The following FTO variants were observed in gnomAD, a reference collection of about 807,000 sequenced individuals.
FTO encodes alpha-ketoglutarate-dependent dioxygenase FTO.
In FTO, 47 loss-of-function variants were observed where a neutral mutation model predicts 63.9. The observed-to-expected ratio is 0.74, with a 90% CI of 0.58 to 0.94. The LOEUF (loss-of-function observed/expected upper bound fraction) is 0.94. Among genes scored for constraint, FTO ranks in the 40% least tolerant of loss-of-function variants. The probability of loss-of-function intolerance (pLI) is 0.00; values close to 1 mark genes in which losing one functional copy is unlikely to be tolerated. For synonymous variants in FTO, 207 were observed against 224.4 expected, an observed-to-expected ratio of 0.92 and a Z score of 0.69; for missense variants, 562 against 618.1, an observed-to-expected ratio of 0.91 and a Z score of 0.96.
intron 8 of FTO, among the ~76,000 whole-genome samples, chr16:54,091,163 C>T (rs1210880016): frequency 6.6e-6 from 1 of 152,186 alleles, no homozygotes; most frequent in Admixed American, 6.5e-5. Context: ...TTACCACAAA[C>T]ACCATGGACA....
At chr16:54,098,424 C>G (rs1040792820) in intron 8 of FTO, among the ~76,000 whole-genome samples, 1 of 152,114 alleles carries the variant, frequency 6.6e-6, no homozygotes, top group East Asian at 1.9e-4. Flanking sequence ...GCAGGTTACA[C>G]GGAAGTAGTT....
chr16:53,790,017 A>G (rs939801528), intron 1 of FTO, among the ~76,000 whole-genome samples: 4 of 149,680 alleles, frequency 2.7e-5, no homozygotes, highest in Admixed American at 2.0e-4. Context: ...GTATAGTTAT[A>G]TATACACATA....
intron 8 of FTO, among the ~76,000 whole-genome samples, chr16:53,962,328 AC>A (rs2083101685): frequency 1.3e-5 from 2 of 151,996 alleles, no homozygotes; most frequent in Admixed American, 1.3e-4. Flanking sequence ...GAAGACACTG[AC>A]CCCAATCATA....
At chr16:53,800,083 G>A (rs2078177856) in intron 1 of FTO, among the ~76,000 whole-genome samples, 1 of 151,818 alleles carries the variant, frequency 6.6e-6, no homozygotes, top group Non-Finnish European at 1.5e-5. Flanking sequence ...TCTCCAAGTG[G>A]AAGCTAAGGT....
Position 53,739,416 on chromosome 16 carries a change from G to A in FTO, c.45+35187G>A, listed in dbSNP as rs549384457. 1.0e-4 allele frequency among the ~76,000 whole-genome samples: 15 copies of A among 147,552 alleles called. No individual in the cohort carries two copies. The South Asian group carries it at 1.7e-3, about 17-fold the overall frequency. ...TTTTTAGTAGAGATGGGGTTTTACC[G>A]TGTTAGCCAGGATGGTCTTGATCTC... On this transcript the variant is annotated intron_variant, in intron 1 of 8. Transcript: ENST00000471389.
chr16:53,842,425 A>G (rs185939943), intron 3 of FTO, among the ~76,000 whole-genome samples: 91 of 152,300 alleles, frequency 6.0e-4, no homozygotes, highest in Non-Finnish European at 1.1e-3. Context: ...AACTTTTAAA[A>G]GTTTTTATGT....
At chr16:53,708,563 G>A (rs1326859840) in intron 1 of FTO, among the ~76,000 whole-genome samples, 1 of 151,830 alleles carries the variant, frequency 6.6e-6, no homozygotes, top group Non-Finnish European at 1.5e-5. Context: ...AGGACTTATG[G>A]TAAATCTATG....
At chr16:53,897,114 C>T (rs1301274742) in intron 7 of FTO, among the ~76,000 whole-genome samples, 9 of 152,032 alleles carry the variant, frequency 5.9e-5, no homozygotes, top group Admixed American at 5.9e-4. Flanking sequence ...TTCTGTATTC[C>T]TGAAAGGATC....
intron 8 of FTO, among the ~76,000 whole-genome samples, chr16:54,026,199 T>C (rs1267710667): frequency 1.3e-5 from 2 of 152,214 alleles, no homozygotes; most frequent in Non-Finnish European, 2.9e-5. Flanking sequence ...AGGGTTATTC[T>C]GGTGGCTCCA....
intron 1 of FTO, among the ~76,000 whole-genome samples, chr16:53,761,833 T>A (rs1201204573): frequency 2.0e-5 from 3 of 152,198 alleles, no homozygotes; most frequent in Non-Finnish European, 2.9e-5. Flanking sequence ...CTTATGGATA[T>A]GAATTGAATA....
chr16:53,842,501 G>A (rs995852200), intron 3 of FTO, among the ~76,000 whole-genome samples: 1 of 152,058 alleles, frequency 6.6e-6, no homozygotes, highest in Non-Finnish European at 1.5e-5. Context: ...ACCTTTTTTA[G>A]TGTATCTCCC....
intron 8 of FTO, among the ~76,000 whole-genome samples, chr16:54,013,054 T>C (rs2084364165): frequency 6.6e-6 from 1 of 152,210 alleles, no homozygotes; most frequent in Non-Finnish European, 1.5e-5. Context: ...CTGATAAATC[T>C]GGGAAGGATA....
chr16:53,976,581 A>T (rs1406460212), intron 8 of FTO, among the ~76,000 whole-genome samples: 3 of 152,116 alleles, frequency 2.0e-5, no homozygotes, highest in Admixed American at 1.3e-4. Flanking sequence ...GATGAATCTT[A>T]GATTCCGATA....
intron 2 of FTO, among the ~76,000 whole-genome samples, chr16:53,816,470 A>C (rs2078691404): frequency 6.7e-6 from 1 of 149,094 alleles, no homozygotes. Context: ...TGCTTCCCTC[A>C]CCTCATTTCC....
At chr16:53,860,881 A>AAC (rs35826323) in intron 4 of FTO, among the ~76,000 whole-genome samples, 13,029 of 145,716 alleles carry the variant, frequency 0.089, 708 homozygotes, top group African/African-American at 0.14. Context: ...AAATGTTTTT[A>AAC]ACACACACAC....
At chr16:53,813,701 G>A (rs1450926226) in intron 2 of FTO, among the ~76,000 whole-genome samples, 3 of 152,128 alleles carry the variant, frequency 2.0e-5, no homozygotes, top group Non-Finnish European at 1.5e-5. Flanking sequence ...ATAAACACAG[G>A]AGTCTGTTCA....
chr16:54,102,220 T>C (rs1282803052), intron 8 of FTO, among the ~76,000 whole-genome samples: 1 of 152,062 alleles, frequency 6.6e-6, no homozygotes, highest in African/African-American at 2.4e-5. Flanking sequence ...AACTAGGCAA[T>C]AGCATCCTGG....
At chr16:53,875,952 G>C (rs573934108) in intron 5 of FTO, among the ~76,000 whole-genome samples, 9 of 152,232 alleles carry the variant, frequency 5.9e-5, no homozygotes, top group Non-Finnish European at 1.0e-4. Context: ...GCCTCCCAAA[G>C]TGCTGGGATT....
chr16:54,025,980 T>C lies in FTO; in HGVS notation c.1365-85782T>C, dbSNP rs1599230692. ...GTGAGCTGAGATCACGCCACTGCAC[T>C]CAACCTGGGCAACAGAGCAAGGCTC... On this transcript the variant is annotated intron_variant, in intron 8 of 8. Coordinates refer to ENST00000471389, the MANE Select transcript of FTO (RefSeq NM_001080432.3). Among the ~76,000 whole-genome samples the C allele has an allele frequency of 2.6e-5, 4 of 152,000 alleles. No individual in the cohort carries two copies. In the South Asian group the frequency reaches 8.3e-4, roughly 32 times the overall value.
Sources: allele counts gnomAD v4.1 joint callset (sites outside exome capture counted in the v4.1 genomes callset), GRCh38; gene constraint gnomAD v4.1.1; transcripts MANE v1.5; gene names NCBI Gene and HGNC (gene_info 2026-07-23, HGNC 2026-07-21).